Variants in TMX4 observed in about 807,000 individuals in gnomAD.
The protein encoded by TMX4 is thioredoxin-related transmembrane protein 4.
TMX4 carries 23 observed loss-of-function variants against 33.3 expected under a neutral mutation model. The ratio of observed to expected loss-of-function variants is 0.69; its 90% CI spans 0.50 to 0.98. The LOEUF (loss-of-function observed/expected upper bound fraction) is 0.98. Ranked by LOEUF, TMX4 falls within the 50% of genes least tolerant of loss-of-function variation. TMX4 has a pLI of 0.00. For synonymous variants in TMX4, 164 were observed against 161.5 expected (o/e 1.02, Z -0.12); for missense variants, 399 against 448.9 (o/e 0.89, Z 1.01).
chr20:8,015,371 C>T (rs1261849671), intron 1 of TMX4, among the ~76,000 whole-genome samples: 1 of 152,160 alleles, frequency 6.6e-6, no homozygotes, highest in African/African-American at 2.4e-5. Context: ...ATATAATGGG[C>T]AAGTATGCCA....
At chr20:8,002,676 T>C (rs2050712629) in intron 2 of TMX4, among the ~76,000 whole-genome samples, 1 of 152,216 alleles carries the variant, frequency 6.6e-6, no homozygotes, top group Non-Finnish European at 1.5e-5. Flanking sequence ...CACATCCCTG[T>C]GGTAACTTGC....
chr20:7,990,060 G>C (rs932757383), intron 5 of TMX4, among the ~76,000 whole-genome samples: 2 of 152,134 alleles, frequency 1.3e-5, no homozygotes, highest in Admixed American at 6.6e-5. Flanking sequence ...ACTTTGGAAG[G>C]CCGAGGCGGG....
At chr20:8,010,080 A>T in intron 2 of TMX4, 120 bp downstream of exon 2, 2 of 698,186 alleles carry the variant, frequency 2.9e-6, no homozygotes, top group African/African-American at 1.8e-5. Context: ...TCTGCTACTT[A>T]AAGGTGGCCA....
intron 2 of TMX4, among the ~76,000 whole-genome samples, chr20:8,002,628 A>G (rs2050712473): frequency 6.6e-6 from 1 of 152,204 alleles, no homozygotes; most frequent in African/African-American, 2.4e-5. Flanking sequence ...CAATGTGGAC[A>G]AAATCAAATA....
At chr20:8,001,426 A>T in intron 3 of TMX4, 70 bp downstream of exon 3, 1 of 1,468,910 alleles carries the variant, frequency 6.8e-7, no homozygotes. Context: ...CATGGAAGAC[A>T]ACTTAGAATT....
chr20:7,992,257 G>C (rs976373819), intron 5 of TMX4, among the ~76,000 whole-genome samples: 1 of 152,112 alleles, frequency 6.6e-6, no homozygotes, highest in Non-Finnish European at 1.5e-5. Context: ...CCATCTCCTA[G>C]GCCTCAGTGA....
At chr20:7,990,067 C>T (rs1180081565) in intron 5 of TMX4, among the ~76,000 whole-genome samples, 3 of 152,120 alleles carry the variant, frequency 2.0e-5, no homozygotes, top group South Asian at 2.1e-4. Context: ...AAGGCCGAGG[C>T]GGGTGAATCA....
Position 7,977,931 on chromosome 20 carries a change from CT to C in TMX4, c.*4319del, listed in dbSNP as rs1486232208. 1 of 152,174 alleles carries C rather than the reference CT, an allele frequency of 6.6e-6. No homozygotes were observed. Among genetic ancestry groups the C allele is most frequent in the Non-Finnish European group, 1.5e-5 (1 of 68,026 alleles). The allele number at this position is 152,174 out of a possible 1,614,324, so 9.4% of individuals were successfully genotyped here. A position where few individuals can be genotyped will look rare whatever the true frequency, so the allele number is the denominator to read the frequency against. ...ATCAAAGGGCTTTTCAACTGAAGTT[CT>C]TACTTCCAGAAAGCTGTTCAAAAAG... is the stretch of plus-strand genomic sequence containing the variant. On this transcript the variant is annotated 3_prime_UTR_variant, in exon 8 of 8. Coordinates refer to ENST00000246024, the MANE Select transcript of TMX4 (RefSeq NM_021156.4).
chr20:7,982,994 A>G (rs2050615610), intron 7 of TMX4, among the ~76,000 whole-genome samples: 1 of 152,210 alleles, frequency 6.6e-6, no homozygotes, highest in Non-Finnish European at 1.5e-5. Flanking sequence ...GGCCAGAGTC[A>G]GGAGAAACAG....
intron 1 of TMX4, among the ~76,000 whole-genome samples, chr20:8,012,012 T>C (rs556276477): frequency 6.6e-6 from 1 of 152,104 alleles, no homozygotes; most frequent in Non-Finnish European, 1.5e-5. Flanking sequence ...TTAATGAAAA[T>C]CATATTCTTC....
intron 5 of TMX4, among the ~76,000 whole-genome samples, chr20:7,992,568 T>A (rs1421702034): frequency 1.3e-5 from 2 of 152,172 alleles, no homozygotes; most frequent in African/African-American, 4.8e-5. Flanking sequence ...CTCAACAGTT[T>A]ACTCAAGCAA....
In TMX4 at chr20:7,981,479, G is replaced by A. The variant is rs2050605866; in HGVS notation, c.*772C>T. On this transcript the variant is annotated 3_prime_UTR_variant, in exon 8 of 8. Transcript: ENST00000246024. The stretch of plus-strand genomic sequence containing the variant: ...CTTACTTCCTTTTGAGTCTCTGATG[G>A]CCACAACATTTCATTTGAGATGTTT... The A allele has an allele frequency of 6.6e-6, 1 of 151,912 alleles. No individual in the cohort carries two copies. Among genetic ancestry groups the A allele is most frequent in the Non-Finnish European group, 1.5e-5 (1 of 67,970 alleles). The allele number at this position is 151,912 out of a possible 1,614,324, so 9.4% of individuals were successfully genotyped here.
At chr20:8,000,808 C>T (rs1472733320) in intron 3 of TMX4, among the ~76,000 whole-genome samples, 1 of 152,182 alleles carries the variant, frequency 6.6e-6, no homozygotes, top group African/African-American at 2.4e-5. Context: ...TAGACTTCTC[C>T]ATTTGGAACT....
chr20:8,016,361 G>A (rs1364315768), intron 1 of TMX4, among the ~76,000 whole-genome samples: 3 of 152,080 alleles, frequency 2.0e-5, no homozygotes, highest in East Asian at 3.8e-4. Flanking sequence ...GACAAAGTGA[G>A]ACTCCATCTA....
At chr20:8,015,338 G>A (rs532706547) in intron 1 of TMX4, among the ~76,000 whole-genome samples, 30 of 152,184 alleles carry the variant, frequency 2.0e-4, no homozygotes, top group Non-Finnish European at 2.8e-4. Flanking sequence ...TTTTGATGTC[G>A]CATGACTGAG....
Position 7,982,294 on chromosome 20 carries a change from G to A in TMX4, c.1007C>T (p.Ser336Phe). Residue 336 changes from serine (S) to phenylalanine (F), a missense_variant, in exon 8 of 8, where the codon TCC becomes TTC. Physicochemically the swap from Ser to Phe is radical, Grantham distance 155. Transcript: ENST00000246024. ...CPADTEVVED[S>F]LRQRKSQHAD... Reference sequence around the variant, plus strand: ...ATGCTGACTTTTACGCTGCCTCAAGGAGTCTTCCACCACCTCTGTGTCAGC... The same window carrying A: ...ATGCTGACTTTTACGCTGCCTCAAGAAGTCTTCCACCACCTCTGTGTCAGC... 2 of 1,614,068 alleles carry A rather than the reference G, an allele frequency of 1.2e-6. No individual in the cohort carries two copies. Among genetic ancestry groups the A allele is most frequent in the Non-Finnish European group, 1.7e-6 (2 of 1,180,008 alleles).
chr20:8,012,423 T>G (rs989230634), intron 1 of TMX4, among the ~76,000 whole-genome samples: 2 of 152,114 alleles, frequency 1.3e-5, no homozygotes. Context: ...TCATCTGACC[T>G]TACAGCCTCA....
In TMX4 at chr20:7,982,462, T is replaced by TCTTCTTCCTCTG. The variant is rs776391393; in HGVS notation, c.827_838dup (p.Ala276_Glu279dup). ...ACCAGCAGCCAAGTTGTCCTCCTCC[T>TCTTCTTCCTCTG]CTTCTTCCTCTGCTTCATCCTCATC... On this transcript the variant is annotated inframe_insertion, in exon 8 of 8. Transcript: ENST00000246024. 6.2e-7 allele frequency: 1 copy of TCTTCTTCCTCTG among 1,614,156 alleles called. No homozygotes were observed. Among genetic ancestry groups the TCTTCTTCCTCTG allele is most frequent in the East Asian group, 2.2e-5 (1 of 44,862 alleles).
At chr20:8,016,669 GAA>G (rs1337209701) in intron 1 of TMX4, among the ~76,000 whole-genome samples, 12 of 152,036 alleles carry the variant, frequency 7.9e-5, no homozygotes, top group Non-Finnish European at 2.9e-5. Context: ...AATATAACCA[GAA>G]ACTGCATTAG....
Sources: gnomAD v4.1 joint callset for allele counts (sites outside exome capture counted in the v4.1 genomes callset) on GRCh38, gnomAD v4.1.1 for gene constraint, MANE v1.5 for transcripts, NCBI Gene and HGNC (gene_info 2026-07-23, HGNC 2026-07-21) for gene names.